The following FBLN1 variants were observed in gnomAD, a reference collection of about 807,000 sequenced individuals.
The protein encoded by FBLN1 is fibulin-1.
FBLN1 carries 34 observed loss-of-function variants against 89.7 expected under a neutral mutation model. The ratio of observed to expected loss-of-function variants is 0.38; its 90% CI spans 0.29 to 0.50. FBLN1 has a LOEUF of 0.50. Among genes scored for constraint, FBLN1 ranks in the 20% least tolerant of loss-of-function variants. The probability of loss-of-function intolerance (pLI) is 0.92; values close to 1 mark genes in which losing one functional copy is unlikely to be tolerated. For synonymous variants in FBLN1, 393 were observed against 391.3 expected, an observed-to-expected ratio of 1.00 and a Z score of -0.05; for missense variants, 777 against 988.1, an observed-to-expected ratio of 0.79 and a Z score of 2.86.
chr22:45,523,243 C>T (rs1175792676), intron 2 of FBLN1: 2 of 736,704 alleles, frequency 2.7e-6, no homozygotes, highest in East Asian at 2.5e-5. Context: ...TGGAGTGGAG[C>T]CAGCAACGGC....
chr22:45,574,513 T>TC lies in FBLN1; in HGVS notation c.1702dup (p.Gln568ProfsTer46). ...TCGTGTGCTGTGGTTCCCCTCAGGC[T>TC]CCAGCAGGAGAAGACAGACACGGTC... On this transcript the variant is annotated frameshift_variant, in exon 15 of 17. Transcript: ENST00000327858. LOFTEE classifies it high-confidence loss of function. The surrounding 1 kb of genome is among the most constrained non-coding windows in gnomAD (Gnocchi z 4.1). The TC allele has an allele frequency of 6.2e-7, 1 of 1,614,086 alleles. No individual in the cohort carries two copies. Among genetic ancestry groups the TC allele is most frequent in the South Asian group, 1.1e-5 (1 of 91,084 alleles).
At chr22:45,540,073 C>T (rs551857446) in intron 8 of FBLN1, among the ~76,000 whole-genome samples, 62 of 152,240 alleles carry the variant, frequency 4.1e-4, no homozygotes, top group African/African-American at 1.4e-3. Flanking sequence ...CCTGGTTGCA[C>T]GCTAATAAAA....
chr22:45,564,765 C>T (rs552134475), intron 14 of FBLN1: 13 of 1,218,252 alleles, frequency 1.1e-5, no homozygotes, highest in African/African-American at 1.0e-4. Context: ...CCTTGCAAGA[C>T]ATCTCGCGTG....
chr22:45,539,284 C>T (rs1209041276), intron 8 of FBLN1, among the ~76,000 whole-genome samples: 2 of 148,702 alleles, frequency 1.3e-5, no homozygotes, highest in Non-Finnish European at 3.0e-5. Context: ...ACTGCAACCT[C>T]CACCCTGCTG....
chr22:45,503,801 A>G (rs999791264), intron 1 of FBLN1, among the ~76,000 whole-genome samples: 1 of 152,084 alleles, frequency 6.6e-6, no homozygotes, highest in African/African-American at 2.4e-5. Context: ...GTTTTCCAAG[A>G]GCAGATCTGA....
intron 1 of FBLN1, among the ~76,000 whole-genome samples, chr22:45,516,706 C>T (rs1056218477): frequency 5.3e-5 from 8 of 152,342 alleles, no homozygotes; most frequent in Non-Finnish European, 1.0e-4. Context: ...TGCTGTGGCA[C>T]GAAACTTCAC....
At position 45,550,730 on chromosome 22, in the gene FBLN1, C is replaced by T; in HGVS notation, c.1697+115C>T. On this transcript the variant is annotated intron_variant, in intron 14 of 16. Coordinates refer to ENST00000327858, the MANE Select transcript of FBLN1 (RefSeq NM_006486.3). The surrounding 1 kb of genome is among the most constrained non-coding windows in gnomAD (Gnocchi z 8.4). ...CCTCGGTGTCCTCCCATGAGGGACT[C>T]AGGGCACTCAAAGATCACCTGATCC... The T allele has an allele frequency of 6.9e-7, 1 of 1,444,326 alleles. No individual in the cohort carries two copies. Among genetic ancestry groups the T allele is most frequent in the East Asian group, 2.3e-5 (1 of 44,050 alleles). The allele number at this position is 1,444,326 out of a possible 1,614,324, so 89.5% of individuals were successfully genotyped here. A position where few individuals can be genotyped will look rare whatever the true frequency, so the allele number is the denominator to read the frequency against.
In FBLN1 at chr22:45,558,890, C is replaced by G. The variant is rs134818; in HGVS notation, c.1697+8275C>G. On this transcript the variant is annotated intron_variant, in intron 14 of 16. Coordinates refer to ENST00000327858, the MANE Select transcript of FBLN1 (RefSeq NM_006486.3). ...TCCATCCTCTGGCATGCAAATGTCT[C>G]ACTAATAAGTCCAGTGTGTTTGCTA... Among the ~76,000 whole-genome samples the G allele has an allele frequency of 5.1e-3, 772 of 152,334 alleles. 9 individuals carry two copies. The highest frequency in any genetic ancestry group is 0.024 in the Middle Eastern group (7 of 294).
intron 14 of FBLN1, chr22:45,564,945 G>A (rs915151532): frequency 1.9e-6 from 3 of 1,614,138 alleles, no homozygotes; most frequent in Non-Finnish European, 2.5e-6. Context: ...GGACTGCAGG[G>A]TTCTTCCATG....
Position 45,574,734 on chromosome 22 carries a change from G to T in FBLN1, c.1840+81G>T, listed in dbSNP as rs938306221. 3.5e-6 allele frequency: 4 copies of T among 1,132,470 alleles called. No homozygotes were observed. Among genetic ancestry groups the T allele is most frequent in the African/African-American group, 1.6e-5 (1 of 64,082 alleles). 70.2% of individuals were successfully genotyped at this position (1,132,470 alleles called of 1,614,324 possible). ...GCTGAGGGCTTGGCCTACAGGAGTT[G>T]TTCCTTGTAAGATGTGGCCCAGGCT... On this transcript the variant is annotated intron_variant, in intron 15 of 16. Transcript: ENST00000327858. The surrounding 1 kb of genome is among the most constrained non-coding windows in gnomAD (Gnocchi z 4.1).
rs534368094 is a variant in FBLN1 at position 45,537,008 on chromosome 22, C to T, written c.922+1671C>T. On this transcript the variant is annotated intron_variant, in intron 8 of 16. Transcript: ENST00000327858. The surrounding 1 kb of genome is among the most constrained non-coding windows in gnomAD (Gnocchi z 5.7). The stretch of plus-strand genomic sequence containing the variant: ...TGCCTGGCTAGGCCGCTGCAGTCAG[C>T]GCTTAAGTCCTGATCCACCGGCTCT... Among the ~76,000 whole-genome samples the T allele has an allele frequency of 2.1e-3, 321 of 152,288 alleles. No homozygotes were observed. The highest frequency in any genetic ancestry group is 3.7e-3 in the Non-Finnish European group (252 of 68,028).
In FBLN1 at chr22:45,569,642, A is replaced by AAAGAAGAAGAAGAAG. The variant is rs56907104; in HGVS notation, c.1698-4843_1698-4829dup. Among the ~76,000 whole-genome samples, 398 of 149,858 alleles carry AAAGAAGAAGAAGAAG rather than the reference A, an allele frequency of 2.7e-3. 2 individuals are homozygous for AAAGAAGAAGAAGAAG. Among genetic ancestry groups the AAAGAAGAAGAAGAAG allele is most frequent in the Middle Eastern group, 3.4e-3 (1 of 294 alleles). On this transcript the variant is annotated intron_variant, in intron 14 of 16. Coordinates refer to ENST00000327858, the MANE Select transcript of FBLN1 (RefSeq NM_006486.3). ...TGACAGGGCAAGACTCTGTCTCAAAAAAGAAGAAGAAGAAGAAGAAGAAGA... is the reference window on the plus strand; with the variant it reads ...TGACAGGGCAAGACTCTGTCTCAAAAAAGAAGAAGAAGAAGAAGAAGAAGAAGAAGAAGAAGAAGA...
Position 45,580,133 on chromosome 22 carries a change from G to T in FBLN1, c.1972+3025G>T, listed in dbSNP as rs188936618. 5.0e-3 allele frequency among the ~76,000 whole-genome samples: 764 copies of T among 152,252 alleles called. 4 individuals carry two copies. The highest frequency in any genetic ancestry group is 0.017 in the African/African-American group (722 of 41,552). On this transcript the variant is annotated intron_variant, in intron 16 of 16. Transcript: ENST00000327858. The surrounding 1 kb of genome is among the most constrained non-coding windows in gnomAD (Gnocchi z 8.6). ...CCTGAGACTGTGCAACTGAAAAACT[G>T]CAGGGCCTGGGATGTTTTCCGACTT...
At chr22:45,553,340 G>C (rs2088729919) in intron 14 of FBLN1, among the ~76,000 whole-genome samples, 1 of 152,220 alleles carries the variant, frequency 6.6e-6, no homozygotes, top group Non-Finnish European at 1.5e-5. Context: ...GCCCAGGATG[G>C]GTGGCCTGCT....
intron 8 of FBLN1, among the ~76,000 whole-genome samples, chr22:45,540,382 C>A (rs7290660): frequency 6.6e-6 from 1 of 152,162 alleles, no homozygotes; most frequent in Admixed American, 6.5e-5. Flanking sequence ...GCACGGTCAG[C>A]GCGAAGGGCT....
rs936822371 is a variant in FBLN1, at chr22:45,576,001, C to G, written c.1841-976C>G. ...GGGAGGCATGCAACGGAGCCAGCCG[C>G]GAGGACACCAGTGTTTACACCATGA... On this transcript the variant is annotated intron_variant, in intron 15 of 16. Transcript: ENST00000327858. This position sits in a 1 kb window ranked among gnomAD's most constrained non-coding sequence, Gnocchi z 5.2. 2.0e-5 allele frequency among the ~76,000 whole-genome samples: 3 copies of G among 151,974 alleles called. No homozygotes were observed. Among genetic ancestry groups the G allele is most frequent in the African/African-American group, 7.3e-5 (3 of 41,320 alleles).
At chr22:45,529,738 C>T (rs1376291358) in intron 4 of FBLN1, among the ~76,000 whole-genome samples, 1 of 152,018 alleles carries the variant, frequency 6.6e-6, no homozygotes, top group Non-Finnish European at 1.5e-5. Context: ...TGGTGGCGGG[C>T]GCCTGTAATC....
intron 14 of FBLN1, chr22:45,558,715 A>C (rs931492540): frequency 6.6e-6 from 1 of 152,624 alleles, no homozygotes; most frequent in Non-Finnish European, 1.5e-5. Flanking sequence ...TAGGCCCACT[A>C]GGCGTTGTGT....
In FBLN1 at chr22:45,542,018, G is replaced by A. The variant is rs1000906010; in HGVS notation, c.1067-137G>A. 22 of 1,320,836 alleles carry A rather than the reference G, an allele frequency of 1.7e-5. No homozygotes were observed. The South Asian group carries it at 2.4e-4, about 14-fold the overall frequency. The allele number at this position is 1,320,836 out of a possible 1,614,324, so 81.8% of individuals were successfully genotyped here. A position where few individuals can be genotyped will look rare whatever the true frequency, so the allele number is the denominator to read the frequency against. On this transcript the variant is annotated intron_variant, in intron 9 of 16. Coordinates refer to ENST00000327858, the MANE Select transcript of FBLN1 (RefSeq NM_006486.3). ...GTCCAGGGCCCGGCACTCAGTAGGT[G>A]CTCTGTGAAGTCGTGTTGAAATGGA...
Sources: gnomAD v4.1 joint callset for allele counts (sites outside exome capture counted in the v4.1 genomes callset) on GRCh38, gnomAD v4.1.1 for gene constraint, Gnocchi (gnomAD v3.1) non-coding constraint, MANE v1.5 for transcripts, NCBI Gene and HGNC (gene_info 2026-07-23, HGNC 2026-07-21) for gene names.